Variants in HNF4G observed in about 807,000 individuals in gnomAD.
HNF4G encodes hepatocyte nuclear factor 4 gamma.
Under a neutral mutation model 50.9 loss-of-function variants are expected in HNF4G, and 21 were observed. That is an observed-to-expected ratio of 0.41 (90% CI 0.29 to 0.59). The LOEUF (loss-of-function observed/expected upper bound fraction) is 0.59. HNF4G is among the 20% of genes least tolerant of loss of function. HNF4G has a pLI of 0.26. For missense variants in HNF4G, 527 were observed against 559.4 expected (o/e 0.94, Z 0.58); for synonymous variants, 198 against 185.6 (o/e 1.07, Z -0.54).
intron 1 of HNF4G, among the ~76,000 whole-genome samples, chr8:75,456,659 A>G (rs1811731418): frequency 6.6e-6 from 1 of 152,024 alleles, no homozygotes; most frequent in Non-Finnish European, 1.5e-5. Flanking sequence ...TAATCTTCAG[A>G]AGATGGTAAA....
chr8:75,486,955 T>C (rs1050216411), intron 1 of HNF4G, among the ~76,000 whole-genome samples: 22 of 152,144 alleles, frequency 1.4e-4, no homozygotes, highest in Admixed American at 1.0e-3. Context: ...TGAGCCGCCA[T>C]GATCACACCA....
At chr8:75,447,840 G>A (rs193177118) in intron 1 of HNF4G, among the ~76,000 whole-genome samples, 127 of 88,530 alleles carry the variant, frequency 1.4e-3, no homozygotes, top group Non-Finnish European at 2.4e-3. Flanking sequence ...TGGTGGGACT[G>A]TAAACTAGTT....
chr8:75,498,381 G>A (rs1812834394), intron 2 of HNF4G, among the ~76,000 whole-genome samples: 1 of 151,916 alleles, frequency 6.6e-6, no homozygotes. Context: ...CTCTGAATAG[G>A]CTTATAATAT....
intron 2 of HNF4G, among the ~76,000 whole-genome samples, chr8:75,501,245 G>A (rs2130705110): frequency 6.6e-6 from 1 of 152,164 alleles, no homozygotes; most frequent in African/African-American, 2.4e-5. Context: ...TTTGAGACCA[G>A]CCTGGGCAAG....
chr8:75,453,523 A>G (rs932750520), intron 1 of HNF4G, among the ~76,000 whole-genome samples: 2 of 104,020 alleles, frequency 1.9e-5, no homozygotes, highest in African/African-American at 7.2e-5. Context: ...CCCCGTAGCC[A>G]GCAGTGGCAA....
At chr8:75,423,815 C>CA (rs1810829880) in intron 1 of HNF4G, among the ~76,000 whole-genome samples, 1 of 71,176 alleles carries the variant, frequency 1.4e-5, no homozygotes, top group East Asian at 5.2e-4. Flanking sequence ...AAGTTTCTTT[C>CA]TTTTTTTTTT....
intron 2 of HNF4G, among the ~76,000 whole-genome samples, chr8:75,544,735 CCTT>C (rs1806724791): frequency 6.6e-6 from 1 of 151,360 alleles, no homozygotes; most frequent in African/African-American, 2.4e-5. Flanking sequence ...GTATGACTGT[CCTT>C]GAATGCAGAT....
intron 1 of HNF4G, among the ~76,000 whole-genome samples, chr8:75,430,473 G>GGAGAGAGA (rs1284776832): frequency 9.4e-4 from 106 of 113,006 alleles, no homozygotes; most frequent in African/African-American, 3.3e-3. Flanking sequence ...GGGGTAGGGA[G>GGAGAGAGA]TAGAGAGAGA....
chr8:75,433,326 G>A (rs1480260634), intron 1 of HNF4G, among the ~76,000 whole-genome samples: 1 of 150,908 alleles, frequency 6.6e-6, no homozygotes, highest in East Asian at 2.0e-4. Flanking sequence ...AGGATCGCTT[G>A]AGCCCAAGAT....
At chr8:75,413,582 T>A (rs1336004613) in intron 1 of HNF4G, among the ~76,000 whole-genome samples, 1 of 151,988 alleles carries the variant, frequency 6.6e-6, no homozygotes, top group African/African-American at 2.4e-5. Context: ...TAAAAAAAAA[T>A]TATTGGCTGG....
chr8:75,488,574 G>T (rs897943105), intron 1 of HNF4G, among the ~76,000 whole-genome samples: 2 of 151,998 alleles, frequency 1.3e-5, no homozygotes, highest in Non-Finnish European at 2.9e-5. Context: ...CACTATGCCC[G>T]GCCTCATTGG....
At chr8:75,550,455 A>C (rs964469552) in intron 3 of HNF4G, among the ~76,000 whole-genome samples, 1 of 151,738 alleles carries the variant, frequency 6.6e-6, no homozygotes, top group Non-Finnish European at 1.5e-5. Context: ...TGGGACTACA[A>C]GCGTGTGCCA....
intron 1 of HNF4G, among the ~76,000 whole-genome samples, chr8:75,431,477 G>T (rs1459789778): frequency 6.6e-6 from 1 of 152,036 alleles, no homozygotes; most frequent in Non-Finnish European, 1.5e-5. Context: ...ATAGAAGACA[G>T]TAGTATATGA....
chr8:75,502,345 C>A (rs1027412902), intron 2 of HNF4G, among the ~76,000 whole-genome samples: 8 of 152,054 alleles, frequency 5.3e-5, no homozygotes, highest in African/African-American at 1.9e-4. Flanking sequence ...CACAGTAAAA[C>A]ATAGAGATAA....
chr8:75,510,149 A>G (rs1805712347), intron 2 of HNF4G, among the ~76,000 whole-genome samples: 1 of 152,110 alleles, frequency 6.6e-6, no homozygotes, highest in Non-Finnish European at 1.5e-5. Flanking sequence ...AGGTGTGTGT[A>G]TTTGTCTTAA....
intron 1 of HNF4G, among the ~76,000 whole-genome samples, chr8:75,436,836 G>GA (rs199660865): frequency 0.18 from 10,522 of 59,658 alleles, 381 homozygotes; most frequent in African/African-American, 0.32. Flanking sequence ...TTGAGGCCAG[G>GA]AGTTGCAACC....
At chr8:75,530,397 T>A (rs985447742) in intron 2 of HNF4G, among the ~76,000 whole-genome samples, 2 of 150,012 alleles carry the variant, frequency 1.3e-5, no homozygotes, top group Admixed American at 6.6e-5. Flanking sequence ...GGCAGGCAGA[T>A]CTGGATATGA....
intron 2 of HNF4G, among the ~76,000 whole-genome samples, chr8:75,500,973 A>T (rs965918997): frequency 6.6e-6 from 1 of 152,080 alleles, no homozygotes; most frequent in Non-Finnish European, 1.5e-5. Flanking sequence ...ACTTAAAGCT[A>T]CTAAATTATA....
At chr8:75,560,747 G>A (rs896125258) in intron 9 of HNF4G, among the ~76,000 whole-genome samples, 8 of 152,152 alleles carry the variant, frequency 5.3e-5, no homozygotes, top group Non-Finnish European at 1.2e-4. Context: ...GGTAGTGTGA[G>A]ACCATAAAAA....
Sources: gnomAD v4.1 joint callset for allele counts (sites outside exome capture counted in the v4.1 genomes callset) on GRCh38, gnomAD v4.1.1 for gene constraint, MANE v1.5 for transcripts, NCBI Gene and HGNC (gene_info 2026-07-23, HGNC 2026-07-21) for gene names.